FGGY: variants seen among roughly 807,000 people sequenced by gnomAD.
FGGY encodes the protein FGGY carbohydrate kinase domain-containing protein.
FGGY carries 72 observed loss-of-function variants against 71.3 expected under a neutral mutation model. That is an observed-to-expected ratio of 1.01 (90% CI 0.84 to 1.23). The LOEUF (loss-of-function observed/expected upper bound fraction) is 1.23. Ranked by LOEUF, FGGY falls within the 50% of genes most tolerant of loss-of-function variation. The pLI is 0.00. For synonymous variants in FGGY, 251 were observed against 250.3 expected (o/e 1.00, Z -0.02); for missense variants, 668 against 682.3 (o/e 0.98, Z 0.23).
At chr1:59,301,857 G>A (rs1228435671) in intron 1 of FGGY, among the ~76,000 whole-genome samples, 1 of 150,088 alleles carries the variant, frequency 6.7e-6, no homozygotes, top group African/African-American at 2.4e-5. Flanking sequence ...GGGATTACAG[G>A]CACGCACCAC....
intron 9 of FGGY, among the ~76,000 whole-genome samples, chr1:59,611,281 A>C (rs1227699279): frequency 6.6e-6 from 1 of 152,130 alleles, no homozygotes; most frequent in Non-Finnish European, 1.5e-5. Context: ...GCCGACTGAC[A>C]CCTCATACAA....
intron 5 of FGGY, among the ~76,000 whole-genome samples, chr1:59,454,514 A>G (rs1030216101): frequency 7.9e-5 from 12 of 152,178 alleles, no homozygotes; most frequent in Admixed American, 2.0e-4. Flanking sequence ...GCATAGCTCA[A>G]TGTGTTCTGT....
chr1:59,680,442 A>G (rs377241276), intron 14 of FGGY, among the ~76,000 whole-genome samples: 24 of 129,122 alleles, frequency 1.9e-4, no homozygotes, highest in African/African-American at 6.7e-4. Context: ...CCTGGTTAAC[A>G]ATACATTCTT....
At chr1:59,348,242 G>T (rs2052515931) in intron 4 of FGGY, among the ~76,000 whole-genome samples, 1 of 152,172 alleles carries the variant, frequency 6.6e-6, no homozygotes, top group Non-Finnish European at 1.5e-5. Context: ...TGGGATTTAA[G>T]TCCATATCTT....
rs538743390 is a variant in FGGY, at chr1:59,319,743, C to T, written c.-14-1793C>T. On this transcript the variant is annotated intron_variant, in intron 1 of 15. Transcript: ENST00000303721. ...TGAGAATGAGCAGGACTGTATTAGGCGGGGCTGGATGGCAGGCAGAGGGAG... is the reference window on the plus strand; with the variant it reads ...TGAGAATGAGCAGGACTGTATTAGGTGGGGCTGGATGGCAGGCAGAGGGAG... Among the ~76,000 whole-genome samples the T allele has an allele frequency of 1.2e-4, 18 of 152,032 alleles. No homozygotes were observed. In the South Asian group the frequency reaches 3.5e-3, roughly 30 times the overall value.
At chr1:59,734,231 T>A (rs536306218) in intron 14 of FGGY, among the ~76,000 whole-genome samples, 1 of 152,304 alleles carries the variant, frequency 6.6e-6, no homozygotes, top group Non-Finnish European at 1.5e-5. Context: ...TGAGACAGGG[T>A]CTTGCTCTGG....
chr1:59,570,659 A>G (rs2095969641), intron 8 of FGGY, among the ~76,000 whole-genome samples: 2 of 152,194 alleles, frequency 1.3e-5, no homozygotes, highest in Admixed American at 1.3e-4. Context: ...GAACGCAGAC[A>G]CACCAGGACG....
At chr1:59,425,891 T>G (rs191183646) in intron 5 of FGGY, among the ~76,000 whole-genome samples, 1 of 152,372 alleles carries the variant, frequency 6.6e-6, no homozygotes, top group East Asian at 1.9e-4. Context: ...GGAATTGATT[T>G]TTCAGTGTTT....
chr1:59,299,877 G>A (rs921477178), intron 1 of FGGY, among the ~76,000 whole-genome samples: 2 of 152,196 alleles, frequency 1.3e-5, no homozygotes, highest in South Asian at 4.1e-4. Context: ...GAATGAGTCA[G>A]GGTGGAGAAT....
At chr1:59,744,089 T>C (rs533563991) in intron 14 of FGGY, among the ~76,000 whole-genome samples, 8 of 152,254 alleles carry the variant, frequency 5.3e-5, no homozygotes, top group Non-Finnish European at 8.8e-5. Context: ...TTTTTGAAAC[T>C]ATTAGTTTGT....
chr1:59,467,715 A>G (rs1386105352), intron 6 of FGGY, among the ~76,000 whole-genome samples: 4 of 152,162 alleles, frequency 2.6e-5, no homozygotes, highest in Admixed American at 6.5e-5. Flanking sequence ...TAATAATAAA[A>G]TGGATTTCCT....
intron 6 of FGGY, among the ~76,000 whole-genome samples, chr1:59,464,355 C>T (rs969558662): frequency 1.3e-5 from 2 of 152,116 alleles, no homozygotes; most frequent in Non-Finnish European, 2.9e-5. Flanking sequence ...CTCTGGGACA[C>T]GTTTAAAGCA....
At chr1:59,725,915 T>C (rs1415983511) in intron 14 of FGGY, among the ~76,000 whole-genome samples, 1 of 152,154 alleles carries the variant, frequency 6.6e-6, no homozygotes, top group Non-Finnish European at 1.5e-5. Flanking sequence ...CTCATTTCTT[T>C]GTCTTTTTGC....
At chr1:59,477,641 A>C (rs989667424) in intron 6 of FGGY, among the ~76,000 whole-genome samples, 1 of 152,214 alleles carries the variant, frequency 6.6e-6, no homozygotes, top group South Asian at 2.1e-4. Context: ...TTAAATTTTC[A>C]TACGCTTTTA....
chr1:59,569,154 G>A (rs1456735389), intron 8 of FGGY, among the ~76,000 whole-genome samples: 4 of 152,130 alleles, frequency 2.6e-5, no homozygotes, highest in Non-Finnish European at 5.9e-5. Context: ...GGCATTCTGT[G>A]TATAAACTTT....
At chr1:59,547,366 A>G (rs1288855825) in intron 7 of FGGY, among the ~76,000 whole-genome samples, 1 of 152,008 alleles carries the variant, frequency 6.6e-6, no homozygotes, top group African/African-American at 2.4e-5. Flanking sequence ...CAGCTATCCT[A>G]TTGTCTAGGA....
intron 8 of FGGY, among the ~76,000 whole-genome samples, chr1:59,588,497 T>G: frequency 6.6e-6 from 1 of 152,078 alleles, no homozygotes; most frequent in Middle Eastern, 3.2e-3. Flanking sequence ...AATTGTCAGA[T>G]TCACCAAAGT....
intron 6 of FGGY, among the ~76,000 whole-genome samples, chr1:59,457,953 T>A (rs899783788): frequency 3.3e-5 from 5 of 152,182 alleles, no homozygotes; most frequent in Non-Finnish European, 7.3e-5. Flanking sequence ...CCTTGTTTTA[T>A]ATATTTCTCA....
chr1:59,479,584 A>G (rs1293695829), intron 6 of FGGY, among the ~76,000 whole-genome samples: 1 of 152,192 alleles, frequency 6.6e-6, no homozygotes, highest in Non-Finnish European at 1.5e-5. Flanking sequence ...GTGGGAAGTT[A>G]AGGGATTTCC....
Sources: gnomAD v4.1 joint callset for allele counts (sites outside exome capture counted in the v4.1 genomes callset) on GRCh38, gnomAD v4.1.1 for gene constraint, MANE v1.5 for transcripts, NCBI Gene and HGNC (gene_info 2026-07-23, HGNC 2026-07-21) for gene names.